FHL2: variants seen among roughly 807,000 people sequenced by gnomAD.
The protein encoded by FHL2 is four and a half LIM domains 2.
FHL2 carries 20 observed loss-of-function variants against 32.7 expected under a neutral mutation model. That is an observed-to-expected ratio of 0.61 (90% CI 0.43 to 0.89). The LOEUF is 0.89. Ranked by LOEUF, FHL2 falls within the 40% of genes least tolerant of loss-of-function variation. The pLI is 0.00. For missense variants in FHL2, 311 were observed against 358.6 expected (o/e 0.87, Z 1.07); for synonymous variants, 123 against 128.1 (o/e 0.96, Z 0.27).
intron 1 of FHL2, among the ~76,000 whole-genome samples, chr2:105,417,422 C>T (rs1276318754): frequency 6.6e-6 from 1 of 151,696 alleles, no homozygotes; most frequent in Admixed American, 6.6e-5. Flanking sequence ...CGGTGGCTCA[C>T]GCCTGTAATC....
At chr2:105,401,242 TC>T (rs1327239503), upstream of FHL2, among the ~76,000 whole-genome samples, 1 of 152,156 alleles carries the variant, frequency 6.6e-6, no homozygotes, top group East Asian at 1.9e-4. Flanking sequence ...ATTTTTCTTT[TC>T]TTAAGTCCTT....
At position 105,386,555 on chromosome 2, in the gene FHL2, A is replaced by G; in HGVS notation, c.-24-15T>C. On this transcript the variant is annotated splice_polypyrimidine_tract_variant and intron_variant, in intron 2 of 6. Transcript: ENST00000530340. ...TTTTCAGCAACCTATCAAAAAGAAA[A>G]GAAAATCCAAGTCCCATTAAGCACT... 1 of 1,613,242 alleles carries G rather than the reference A, an allele frequency of 6.2e-7. No homozygotes were observed. The highest frequency in any genetic ancestry group is 8.5e-7 in the Non-Finnish European group (1 of 1,179,738).
intron 1 of FHL2, among the ~76,000 whole-genome samples, chr2:105,427,684 G>A (rs182511136): frequency 1.3e-4 from 20 of 152,268 alleles, no homozygotes; most frequent in Admixed American, 1.2e-3. Context: ...AGGAATGAGA[G>A]TGTTTGAGGT....
intron 3 of FHL2, chr2:105,378,674 C>T (rs925849945): frequency 1.3e-5 from 2 of 155,606 alleles, no homozygotes; most frequent in Admixed American, 6.3e-5. Context: ...TTTCTCTCAG[C>T]CTACCTTTAT....
Position 105,422,814 on chromosome 2 carries a change from A to G in FHL2, c.-25+15585T>C, listed in dbSNP as rs1161497236. 3.3e-5 allele frequency among the ~76,000 whole-genome samples: 5 copies of G among 152,306 alleles called. No individual in the cohort carries two copies. The East Asian group carries it at 9.6e-4, about 29-fold the overall frequency. On this transcript the variant is annotated intron_variant, in intron 1 of 5. Transcript: ENST00000393352. Reference sequence around the variant, plus strand: ...GGATTGTCTGTATCAGTTATACTACAGGTTGCATTGTACAAGATACCAAAA... The same window carrying G: ...GGATTGTCTGTATCAGTTATACTACGGGTTGCATTGTACAAGATACCAAAA...
rs140785901 is a variant in FHL2 at position 105,408,791 on chromosome 2, G to T, written c.-24-22251C>A. 1.9e-3 allele frequency among the ~76,000 whole-genome samples: 293 copies of T among 152,294 alleles called. 2 individuals carry two copies. The highest frequency in any genetic ancestry group is 6.6e-3 in the African/African-American group (276 of 41,548). Reference sequence around the variant, plus strand: ...TTAGCATATTTTGACTGCTGATAGGGTGACATTTTTGGTATAGGAAGGTGA... The same window carrying T: ...TTAGCATATTTTGACTGCTGATAGGTTGACATTTTTGGTATAGGAAGGTGA... On this transcript the variant is annotated intron_variant, in intron 1 of 5. Coordinates refer to the FHL2 transcript ENST00000393352.
At chr2:105,409,133 G>A (rs1316933512) in intron 1 of FHL2, among the ~76,000 whole-genome samples, 2 of 152,226 alleles carry the variant, frequency 1.3e-5, no homozygotes, top group Non-Finnish European at 2.9e-5. Context: ...GACCAGTTGG[G>A]AGGAGCAGGC....
intron 1 of FHL2, among the ~76,000 whole-genome samples, chr2:105,435,587 T>C (rs569800660): frequency 1.3e-5 from 2 of 152,218 alleles, no homozygotes; most frequent in East Asian, 3.9e-4. Context: ...TTTGGGAGGC[T>C]GAGGCAGGTG....
chr2:105,377,277 ACAGTGG>A (rs1302086886), intron 3 of FHL2, among the ~76,000 whole-genome samples: 3 of 152,210 alleles, frequency 2.0e-5, no homozygotes, highest in East Asian at 3.8e-4. Context: ...AGTACTCTTA[ACAGTGG>A]TTAAGAAGGT....
chr2:105,402,033 A>G (rs953585750), upstream of FHL2, among the ~76,000 whole-genome samples: 2 of 149,370 alleles, frequency 1.3e-5, no homozygotes, highest in African/African-American at 5.0e-5. Context: ...ATATACACGA[A>G]TATATATATA....
chr2:105,385,228 C>T (rs1190068432), intron 3 of FHL2, among the ~76,000 whole-genome samples: 2 of 152,174 alleles, frequency 1.3e-5, no homozygotes, highest in Non-Finnish European at 2.9e-5. Flanking sequence ...TCTTTCGCTA[C>T]AAGATGGAAA....
chr2:105,399,681 G>T, upstream of FHL2: 1 of 1,441,844 alleles, frequency 6.9e-7, no homozygotes, highest in Middle Eastern at 2.5e-4. Flanking sequence ...CTGGGAGCGT[G>T]CCTCCCACAT....
Position 105,398,883 on chromosome 2 carries a change from T to G in FHL2, c.-117A>C. On this transcript the variant is annotated 5_prime_UTR_variant, in exon 1 of 7. Coordinates refer to ENST00000530340, the MANE Select transcript of FHL2 (RefSeq NM_001318895.3). ...GGCTCTGCTCCCCTCTCCTTGGGTC[T>G]CGCACCGGATTCGGCCCCCACTTCC... 6.6e-7 allele frequency: 1 copy of G among 1,517,482 alleles called. No individual in the cohort carries two copies. Among genetic ancestry groups the G allele is most frequent in the Non-Finnish European group, 8.8e-7 (1 of 1,136,248 alleles). The allele number at this position is 1,517,482 out of a possible 1,614,324, so 94.0% of individuals were successfully genotyped here. A position where few individuals can be genotyped will look rare whatever the true frequency, so the allele number is the denominator to read the frequency against.
chr2:105,399,567 C>T, upstream of FHL2: 2 of 1,535,896 alleles, frequency 1.3e-6, no homozygotes, highest in South Asian at 2.4e-5. Flanking sequence ...CGTTCCACTA[C>T]GGAGGGGACT....
intron 4 of FHL2, among the ~76,000 whole-genome samples, chr2:105,368,518 A>G (rs1279605185): frequency 1.3e-5 from 2 of 152,162 alleles, no homozygotes; most frequent in Non-Finnish European, 2.9e-5. Flanking sequence ...TTACTTGTAC[A>G]TCCCATTTAG....
downstream of FHL2, chr2:105,359,097 T>A (rs1466086701): frequency 6.6e-6 from 1 of 152,220 alleles, no homozygotes; most frequent in Admixed American, 6.5e-5. Context: ...TGGATCGTGC[T>A]CCAGTGTTCT....
chr2:105,361,337 G>T lies in FHL2; in HGVS notation c.786C>A (p.Gly262=). The change falls in exon 7 of 7, where the codon GGC becomes GGA. Residue 262 remains glycine, a synonymous_variant. Coordinates refer to ENST00000530340, the MANE Select transcript of FHL2 (RefSeq NM_001318895.3). ...KKCSLSLVGR[G]FLTERDDILC... is the part of the protein sequence containing the mutation. Reference sequence around the variant, plus strand: ...GGATGTCGTCCCTCTCTGTGAGGAAGCCACGCCCCACCAGTGAGAGGGAGC... The same window carrying T: ...GGATGTCGTCCCTCTCTGTGAGGAATCCACGCCCCACCAGTGAGAGGGAGC... The T allele has an allele frequency of 2.5e-6, 4 of 1,614,148 alleles. No homozygotes were observed. The highest frequency in any genetic ancestry group is 3.4e-6 in the Non-Finnish European group (4 of 1,179,966).
intron 3 of FHL2, among the ~76,000 whole-genome samples, chr2:105,384,904 G>A (rs556618317): frequency 1.7e-4 from 26 of 152,204 alleles, no homozygotes; most frequent in Non-Finnish European, 2.9e-4. Flanking sequence ...GCCTGGGCTG[G>A]AACTGGGCAG....
At chr2:105,421,705 CA>C (rs1004803075) in intron 1 of FHL2, among the ~76,000 whole-genome samples, 5 of 152,166 alleles carry the variant, frequency 3.3e-5, no homozygotes, top group African/African-American at 1.2e-4. Flanking sequence ...GTGTCTAGCT[CA>C]GTTATACTAT....
Sources: gnomAD v4.1 joint callset for allele counts (sites outside exome capture counted in the v4.1 genomes callset) on GRCh38, gnomAD v4.1.1 for gene constraint, MANE v1.5 for transcripts, NCBI Gene and HGNC (gene_info 2026-07-23, HGNC 2026-07-21) for gene names.